The following TRAK1 variants were observed in gnomAD, a reference collection of about 807,000 sequenced individuals.
TRAK1 encodes the protein trafficking kinesin protein 1, also known as trafficking kinesin-binding protein 1.
In TRAK1, 33 loss-of-function variants were observed where a neutral mutation model predicts 92.1. The observed-to-expected ratio is 0.36, with a 90% confidence interval of 0.27 to 0.48. TRAK1 has a LOEUF of 0.48. Ranked by LOEUF, TRAK1 falls within the 20% of genes least tolerant of loss-of-function variation. TRAK1 has a pLI of 0.99. For synonymous variants in TRAK1, 521 were observed against 517.3 expected (o/e 1.01, Z -0.10); for missense variants, 1,123 against 1,257.9 (o/e 0.89, Z 1.62).
intron 9 of TRAK1, among the ~76,000 whole-genome samples, chr3:42,194,418 T>G (rs187213960): frequency 0.055 from 8,266 of 151,174 alleles, 223 homozygotes; most frequent in Middle Eastern, 0.075. Flanking sequence ...TTTTTTTTTT[T>G]GAAAGATGAG....
chr3:42,131,431 A>G (rs1697179829), intron 2 of TRAK1, among the ~76,000 whole-genome samples: 1 of 152,146 alleles, frequency 6.6e-6, no homozygotes, highest in South Asian at 2.1e-4. Flanking sequence ...TAAAAAATAT[A>G]GTCTGCCAGG....
upstream of TRAK1, among the ~76,000 whole-genome samples, chr3:42,085,324 T>C (rs991341043): frequency 2.9e-4 from 44 of 152,150 alleles, no homozygotes; most frequent in Non-Finnish European, 6.2e-4. Context: ...TGCGCCACGA[T>C]GCCCAGCTAC....
At chr3:42,056,905 A>G (rs191172201) in intron 1 of TRAK1, among the ~76,000 whole-genome samples, 64 of 152,338 alleles carry the variant, frequency 4.2e-4, no homozygotes, top group Middle Eastern at 3.4e-3. Flanking sequence ...TTAAAAATAA[A>G]AATCTTGTGT....
At chr3:42,149,524 A>G (rs1206146942) in intron 2 of TRAK1, 1 of 1,536,014 alleles carries the variant, frequency 6.5e-7, no homozygotes, top group Non-Finnish European at 8.7e-7. Context: ...TTCCTCTGCA[A>G]GACTACTGAC....
chr3:42,015,107 G>A (rs867860458), intron 1 of TRAK1, among the ~76,000 whole-genome samples: 1 of 152,156 alleles, frequency 6.6e-6, no homozygotes, highest in African/African-American at 2.4e-5. Context: ...CAGGCTGGGA[G>A]CTTGACTGGT....
upstream of TRAK1, among the ~76,000 whole-genome samples, chr3:42,083,522 G>A (rs1169379341): frequency 6.6e-6 from 1 of 152,102 alleles, no homozygotes; most frequent in Non-Finnish European, 1.5e-5. Context: ...AATTGTTTTT[G>A]TGTATAACAG....
At chr3:42,149,366 A>G (rs1699691814) in intron 2 of TRAK1, 1 of 1,435,172 alleles carries the variant, frequency 7.0e-7, no homozygotes, top group African/African-American at 1.4e-5. Flanking sequence ...TTCATTGCCC[A>G]CTTTACTGTT....
chr3:42,070,976 CT>C (rs11328289), intron 1 of TRAK1, among the ~76,000 whole-genome samples: 3,783 of 152,284 alleles, frequency 0.025, 151 homozygotes, highest in African/African-American at 0.086. Flanking sequence ...GGCAAGTTAT[CT>C]CCAGCCCTAG....
At chr3:42,023,101 T>C (rs1219574566) in intron 1 of TRAK1, among the ~76,000 whole-genome samples, 1 of 133,654 alleles carries the variant, frequency 7.5e-6, no homozygotes. Context: ...GAGGTTGCAG[T>C]GAGCCGAGAT....
intron 2 of TRAK1, among the ~76,000 whole-genome samples, chr3:42,142,385 A>G (rs1371424375): frequency 6.6e-6 from 1 of 152,230 alleles, no homozygotes; most frequent in African/African-American, 2.4e-5. Flanking sequence ...TGTTATCATT[A>G]GCAGCTTTTA....
At chr3:42,016,617 C>T (rs768460119) in intron 1 of TRAK1, among the ~76,000 whole-genome samples, 3 of 152,142 alleles carry the variant, frequency 2.0e-5, no homozygotes, top group Non-Finnish European at 4.4e-5. Flanking sequence ...CTTCGTGCTC[C>T]CAAGGTAGAG....
rs114702545 is a variant in TRAK1 at position 42,115,920 on chromosome 3, C to T, written c.92-9500C>T. Among the ~76,000 whole-genome samples, 750 of 152,326 alleles carry T rather than the reference C, an allele frequency of 4.9e-3. 10 individuals are homozygous for T. The highest frequency in any genetic ancestry group is 0.017 in the African/African-American group (718 of 41,578). ...ACTTCCCCCATGTCTCTGAACCTTG[C>T]AGGGCCACAGTTTCCCCTTCTGTCT... On this transcript the variant is annotated intron_variant, in intron 1 of 15. Transcript: ENST00000327628.
Position 42,192,674 on chromosome 3 carries a change from G to A in TRAK1, c.770-401G>A, listed in dbSNP as rs374146443. On this transcript the variant is annotated intron_variant, in intron 7 of 15. Transcript: ENST00000327628. ...CCTTTTTAGAACTGGGTGCAGCAGG[G>A]GATTCCTGTTTAGTCACATGGGTTC... 5.8e-4 allele frequency among the ~76,000 whole-genome samples: 88 copies of A among 152,292 alleles called. 2 individuals carry two copies. The South Asian group carries it at 0.017, about 29-fold the overall frequency.
chr3:42,195,598 C>A (rs563069344), intron 10 of TRAK1, among the ~76,000 whole-genome samples: 29 of 152,156 alleles, frequency 1.9e-4, no homozygotes, highest in African/African-American at 7.0e-4. Flanking sequence ...ATACTATCCC[C>A]ATCCCCCACT....
At chr3:42,167,117 C>T (rs114636705) in intron 2 of TRAK1, among the ~76,000 whole-genome samples, 2 of 152,324 alleles carry the variant, frequency 1.3e-5, no homozygotes, top group Non-Finnish European at 2.9e-5. Context: ...TTATCATGCC[C>T]CCTCAGGCCT....
At chr3:42,139,906 C>T (rs959171183) in intron 2 of TRAK1, among the ~76,000 whole-genome samples, 4 of 152,002 alleles carry the variant, frequency 2.6e-5, no homozygotes, top group South Asian at 4.1e-4. Context: ...TTCTGGTTCA[C>T]TTGTGTTTTG....
In TRAK1 at chr3:42,224,597, A is replaced by G. The variant is rs1710642071; in HGVS notation, c.*860A>G. ...TCGAACACACCAAGCCGCTAATGAG[A>G]TAGCAGCTTTTTTCTGGGACCCAGA... is the stretch of plus-strand genomic sequence containing the variant. On this transcript the variant is annotated 3_prime_UTR_variant, in exon 16 of 16. Transcript: ENST00000327628. 6.6e-6 allele frequency: 1 copy of G among 152,316 alleles called. No homozygotes were observed. Among genetic ancestry groups the G allele is most frequent in the Non-Finnish European group, 1.5e-5 (1 of 68,144 alleles). The allele number at this position is 152,316 out of a possible 1,614,324, so 9.4% of individuals were successfully genotyped here.
At chr3:42,030,692 ATATATATATATATATATATATATAT>A (rs1559709843) in intron 1 of TRAK1, among the ~76,000 whole-genome samples, 4 of 9,596 alleles carry the variant, frequency 4.2e-4, no homozygotes, top group South Asian at 2.6e-3. Context: ...AAAAAAGAAT[ATATATATATATATATATATATATAT>A]ATATATATAT....
At chr3:42,140,101 G>C (rs749664407) in intron 2 of TRAK1, among the ~76,000 whole-genome samples, 2 of 152,040 alleles carry the variant, frequency 1.3e-5, no homozygotes, top group Admixed American at 6.6e-5. Context: ...GAACTACATC[G>C]AGGCCAGGAT....
Sources: gnomAD v4.1 joint callset for allele counts (sites outside exome capture counted in the v4.1 genomes callset) on GRCh38, gnomAD v4.1.1 for gene constraint, MANE v1.5 for transcripts, NCBI Gene and HGNC (gene_info 2026-07-23, HGNC 2026-07-21) for gene names.